The following CADM2 variants were observed in gnomAD, a reference collection of about 807,000 sequenced individuals.
The protein encoded by CADM2 is immunoglobulin superfamily member 4D.
Under a neutral mutation model 49.8 loss-of-function variants are expected in CADM2, and 12 were observed. The ratio of observed to expected loss-of-function variants is 0.24; its 90% CI spans 0.15 to 0.39. The LOEUF is 0.39. CADM2 is among the 10% of genes least tolerant of loss of function. The pLI, the probability that CADM2 is intolerant of heterozygous loss-of-function variation, is 1.00. For missense variants in CADM2, 378 were observed against 492.3 expected (o/e 0.77, Z 2.20); for synonymous variants, 214 against 175.4 (o/e 1.22, Z -1.74).
rs553069367 is a variant in CADM2 at position 85,226,012 on chromosome 3, A to C, written c.61+266344A>C. Reference sequence around the variant, plus strand: ...GGTGGATTCAGTTTGCCAGTATTTTACTGAGGATTTTCACATCAATCTTCA... The same window carrying C: ...GGTGGATTCAGTTTGCCAGTATTTTCCTGAGGATTTTCACATCAATCTTCA... On this transcript the variant is annotated intron_variant, in intron 1 of 9. Transcript: ENST00000383699. Among the ~76,000 whole-genome samples the C allele has an allele frequency of 2.0e-5, 3 of 152,298 alleles. No individual in the cohort carries two copies. The South Asian group carries it at 6.2e-4, about 32-fold the overall frequency.
intron 8 of CADM2, among the ~76,000 whole-genome samples, chr3:86,031,518 C>T (rs541492958): frequency 6.6e-6 from 1 of 151,898 alleles, no homozygotes; most frequent in Admixed American, 6.6e-5. Context: ...ACATACTATA[C>T]TGATCCTTTT....
chr3:85,094,880 C>A (rs906532898), intron 1 of CADM2, among the ~76,000 whole-genome samples: 10 of 151,880 alleles, frequency 6.6e-5, no homozygotes, highest in African/African-American at 2.4e-4. Context: ...AAATAAGAAG[C>A]CAGTGTTCAC....
chr3:85,153,451 A>C (rs1184901142), intron 1 of CADM2, among the ~76,000 whole-genome samples: 2 of 152,178 alleles, frequency 1.3e-5, no homozygotes, highest in Non-Finnish European at 2.9e-5. Context: ...ACGGAGTCTC[A>C]CTGATTGCTA....
intron 8 of CADM2, among the ~76,000 whole-genome samples, chr3:86,016,825 T>C (rs753837311): frequency 1.1e-4 from 17 of 152,246 alleles, no homozygotes; most frequent in Non-Finnish European, 2.4e-4. Flanking sequence ...CCAAAAGTGT[T>C]CTTTTTTATA....
intron 7 of CADM2, among the ~76,000 whole-genome samples, chr3:85,936,369 T>A (rs1047905462): frequency 9.9e-5 from 15 of 151,880 alleles, no homozygotes; most frequent in African/African-American, 3.6e-4. Flanking sequence ...TATTAGAATA[T>A]ATGCACGTCA....
intron 3 of CADM2, among the ~76,000 whole-genome samples, chr3:85,811,083 A>G (rs1214262098): frequency 6.6e-6 from 1 of 152,250 alleles, no homozygotes; most frequent in Non-Finnish European, 1.5e-5. Flanking sequence ...TGACATTCAA[A>G]GCAACATATG....
chr3:85,172,676 A>T (rs1051526361), intron 1 of CADM2, among the ~76,000 whole-genome samples: 29 of 151,936 alleles, frequency 1.9e-4, no homozygotes, highest in Non-Finnish European at 7.4e-5. Context: ...TCTCTAAGCA[A>T]TGGGTAGACA....
chr3:85,734,675 G>GTATATTTTAAATATAATATA (rs1271923909), intron 2 of CADM2, among the ~76,000 whole-genome samples: 13 of 144,588 alleles, frequency 9.0e-5, no homozygotes, highest in African/African-American at 2.8e-4. Context: ...AATATAATAT[G>GTATATTTTAAATATAATATA]TATATTTTAA....
chr3:85,064,292 A>G (rs532583564), intron 1 of CADM2, among the ~76,000 whole-genome samples: 2 of 152,230 alleles, frequency 1.3e-5, no homozygotes, highest in African/African-American at 4.8e-5. Context: ...TTAAAGAGGA[A>G]TATTGGAACA....
chr3:85,433,886 A>G lies in CADM2; in HGVS notation c.62-292636A>G, dbSNP rs554200741. Reference sequence around the variant, plus strand: ...ACAGCACTCAGAAATTATAACTTGAAAAGTAACCAATTTGTTCTCCCGCTG... The same window carrying G: ...ACAGCACTCAGAAATTATAACTTGAGAAGTAACCAATTTGTTCTCCCGCTG... On this transcript the variant is annotated intron_variant, in intron 1 of 9. Coordinates refer to ENST00000383699, the MANE Select transcript of CADM2 (RefSeq NM_001167675.2). Among the ~76,000 whole-genome samples, 4 of 152,250 alleles carry G rather than the reference A, an allele frequency of 2.6e-5. No homozygotes were observed. In the South Asian group the frequency reaches 8.3e-4, roughly 32 times the overall value.
intron 2 of CADM2, among the ~76,000 whole-genome samples, chr3:85,755,143 T>C (rs981022949): frequency 6.6e-6 from 1 of 152,150 alleles, no homozygotes; most frequent in Non-Finnish European, 1.5e-5. Context: ...CACAAGACCA[T>C]CCCCAATTCC....
At chr3:86,049,551 G>A (rs986987870) in intron 8 of CADM2, among the ~76,000 whole-genome samples, 2 of 152,006 alleles carry the variant, frequency 1.3e-5, no homozygotes, top group Non-Finnish European at 2.9e-5. Flanking sequence ...GTGAGCCACC[G>A]TGCCTGGCCA....
At chr3:85,945,316 C>A (rs1228101762) in intron 7 of CADM2, among the ~76,000 whole-genome samples, 1 of 152,000 alleles carries the variant, frequency 6.6e-6, no homozygotes, top group Admixed American at 6.6e-5. Flanking sequence ...AGTCCCAGAC[C>A]AGACGGTTTC....
chr3:86,071,786 T>C lies in CADM2; in HGVS notation c.*5003T>C, dbSNP rs751773909. 7.2e-5 allele frequency: 11 copies of C among 151,998 alleles called. No homozygotes were observed. Among genetic ancestry groups the C allele is most frequent in the Non-Finnish European group, 1.3e-4 (9 of 67,904 alleles). 9.4% of individuals were successfully genotyped at this position (151,998 alleles called of 1,614,324 possible). A position where few individuals can be genotyped will look rare whatever the true frequency, so the allele number is the denominator to read the frequency against. ...TCCTAAAGGCAAAATATTATAACTTTATAAGAATAGTCCTTCTCCTGCCTA... is the reference window on the plus strand; with the variant it reads ...TCCTAAAGGCAAAATATTATAACTTCATAAGAATAGTCCTTCTCCTGCCTA... On this transcript the variant is annotated 3_prime_UTR_variant, in exon 10 of 10. Transcript: ENST00000383699.
intron 8 of CADM2, chr3:86,027,750 A>G (rs1734068782): frequency 6.6e-6 from 1 of 152,104 alleles, no homozygotes; most frequent in African/African-American, 2.4e-5. Flanking sequence ...TATGGTTTCA[A>G]TAACTTTTCA....
chr3:86,013,085 T>C, intron 8 of CADM2: 2 of 1,314,270 alleles, frequency 1.5e-6, no homozygotes, highest in East Asian at 2.3e-5. Context: ...TTCGAGATAA[T>C]GCAATACCAA....
intron 8 of CADM2, among the ~76,000 whole-genome samples, chr3:85,962,664 G>A (rs1724982697): frequency 6.6e-6 from 1 of 151,832 alleles, no homozygotes. Context: ...AATTAGTCAG[G>A]TTTCTTTACT....
chr3:85,693,581 A>AAG (rs1553664983), intron 1 of CADM2, among the ~76,000 whole-genome samples: 1 of 147,838 alleles, frequency 6.8e-6, no homozygotes, highest in African/African-American at 2.5e-5. Context: ...AAAAAAAAAA[A>AAG]AAAGAAAAGA....
rs112897668 is a variant in CADM2 at position 85,612,856 on chromosome 3, A to G, written c.62-113666A>G. The stretch of plus-strand genomic sequence containing the variant: ...AAATCAGTATATTAGTCACCTATTT[A>G]TGTGTATTTACCATAAAATAACTGA... On this transcript the variant is annotated intron_variant, in intron 1 of 9. Transcript: ENST00000383699. Among the ~76,000 whole-genome samples, 593 of 151,912 alleles carry G rather than the reference A, an allele frequency of 3.9e-3. 3 individuals are homozygous for G. The highest frequency in any genetic ancestry group is 0.013 in the African/African-American group (531 of 41,554).
Sources: gnomAD v4.1 joint callset for allele counts (sites outside exome capture counted in the v4.1 genomes callset) on GRCh38, gnomAD v4.1.1 for gene constraint, MANE v1.5 for transcripts, NCBI Gene and HGNC (gene_info 2026-07-23, HGNC 2026-07-21) for gene names.